The following TSHZ3 variants were observed in gnomAD, a reference collection of about 807,000 sequenced individuals.
TSHZ3 encodes teashirt homolog 3.
In TSHZ3, 10 loss-of-function variants were observed where a neutral mutation model predicts 64.5. The ratio of observed to expected loss-of-function variants is 0.16; its 90% CI spans 0.10 to 0.26. TSHZ3 has a LOEUF of 0.26. Among genes scored for constraint, TSHZ3 ranks in the 10% least tolerant of loss-of-function variants. The probability of loss-of-function intolerance (pLI) is 1.00; values close to 1 mark genes in which losing one functional copy is unlikely to be tolerated. For synonymous variants in TSHZ3, 608 were observed against 593.1 expected, an observed-to-expected ratio of 1.03 and a Z score of -0.36; for missense variants, 1,242 against 1,421.7, an observed-to-expected ratio of 0.87 and a Z score of 2.03.
At chr19:31,334,361 T>G (rs1421662217) in intron 1 of TSHZ3, among the ~76,000 whole-genome samples, 1 of 152,222 alleles carries the variant, frequency 6.6e-6, no homozygotes, top group African/African-American at 2.4e-5. Context: ...TGAAAACCAC[T>G]GATAACCCAT....
intron 1 of TSHZ3, among the ~76,000 whole-genome samples, chr19:31,310,540 A>G (rs1422869638): frequency 6.6e-6 from 1 of 152,176 alleles, no homozygotes; most frequent in Non-Finnish European, 1.5e-5. Flanking sequence ...CCACCAATCT[A>G]TGACAAGCTG....
At chr19:31,225,502 C>T (rs1426967369) in intron 4 of TSHZ3, among the ~76,000 whole-genome samples, 2 of 152,188 alleles carry the variant, frequency 1.3e-5, no homozygotes, top group African/African-American at 4.8e-5. Context: ...AAACCCCAAT[C>T]TTGGCATACA....
At chr19:31,349,569 C>T (rs1439534839), upstream of TSHZ3, 2 of 238,008 alleles carry the variant, frequency 8.4e-6, no homozygotes, top group African/African-American at 2.3e-5. Context: ...GCTCCAGAGG[C>T]CAGAGGAGGA....
At chr19:31,158,100 T>C (rs1450157505) in intron 5 of TSHZ3, among the ~76,000 whole-genome samples, 1 of 152,218 alleles carries the variant, frequency 6.6e-6, no homozygotes, top group Non-Finnish European at 1.5e-5. Flanking sequence ...GCCCTAATTG[T>C]ACTTTCCTAC....
At chr19:31,326,066 T>C (rs1307435913) in intron 1 of TSHZ3, among the ~76,000 whole-genome samples, 3 of 152,246 alleles carry the variant, frequency 2.0e-5, no homozygotes, top group Admixed American at 1.3e-4. Context: ...CCATGTATCT[T>C]AACTTTTGGA....
intron 5 of TSHZ3, among the ~76,000 whole-genome samples, chr19:31,188,002 T>C (rs200689175): frequency 5.3e-5 from 8 of 152,098 alleles, no homozygotes; most frequent in African/African-American, 1.7e-4. Flanking sequence ...ATTTCGGAGA[T>C]AGAATATTAC....
chr19:31,237,720 A>G (rs1397277406), intron 3 of TSHZ3, among the ~76,000 whole-genome samples: 1 of 152,170 alleles, frequency 6.6e-6, no homozygotes, highest in Non-Finnish European at 1.5e-5. Context: ...CTTTTCTAAA[A>G]TAGATATTGC....
intron 4 of TSHZ3, among the ~76,000 whole-genome samples, chr19:31,222,394 C>T (rs954031871): frequency 2.0e-5 from 3 of 152,174 alleles, no homozygotes; most frequent in Admixed American, 6.5e-5. Flanking sequence ...TCACTTGACT[C>T]TTGAGATGAA....
intron 1 of TSHZ3, among the ~76,000 whole-genome samples, chr19:31,287,931 G>A (rs1364008830): frequency 1.3e-5 from 2 of 151,888 alleles, no homozygotes; most frequent in Non-Finnish European, 2.9e-5. Flanking sequence ...GACAGAGGGT[G>A]ATTTCTTTTT....
Position 31,278,854 on chromosome 19 carries a change from G to A in TSHZ3, c.939C>T (p.Ala313=), listed in dbSNP as rs139336851. The part of the protein sequence containing the change: ...VPLKEPVTPV[A]AKIIPATRKK... ...TCCGAGTGGCAGGGATGATTTTGGC[G>A]GCGACAGGAGTGACGGGTTCCTTCA... The change falls in exon 2 of 2, where the codon GCC becomes GCT. Residue 313 remains alanine, a synonymous_variant. Transcript: ENST00000240587. This position sits in a 1 kb window ranked among gnomAD's most constrained non-coding sequence, Gnocchi z 4.7. 103 of 1,614,060 alleles carry A rather than the reference G, an allele frequency of 6.4e-5. No homozygotes were observed. Among genetic ancestry groups the A allele is most frequent in the East Asian group, 5.8e-4 (26 of 44,850 alleles).
intron 5 of TSHZ3, among the ~76,000 whole-genome samples, chr19:31,168,028 A>T (rs1974479599): frequency 6.6e-6 from 1 of 152,248 alleles, no homozygotes; most frequent in South Asian, 2.1e-4. Flanking sequence ...GGAGAGCTCA[A>T]AGATGGGGGA....
At chr19:31,267,618 C>T (rs1417083699) in intron 1 of TSHZ3, among the ~76,000 whole-genome samples, 1 of 151,332 alleles carries the variant, frequency 6.6e-6, no homozygotes, top group Non-Finnish European at 1.5e-5. Context: ...ATGTCTCTGG[C>T]TTTTAGTTCC....
At position 31,206,970 on chromosome 19, in the gene TSHZ3, T is replaced by C. The variant is rs543983353; in HGVS notation, n.687-1892A>G. 6.2e-4 allele frequency among the ~76,000 whole-genome samples: 95 copies of C among 152,296 alleles called. No individual in the cohort carries two copies. In the South Asian group the frequency reaches 0.012, roughly 19 times the overall value. On this transcript the variant is annotated intron_variant and non_coding_transcript_variant, in intron 4 of 6. Transcript: ENST00000651361. ...GAAAGTCCTAGGTTTCCTTTTCTAA[T>C]TTTTTTAGTCTTGCAACATTAACTA...
chr19:31,209,123 T>G (rs1244273711), intron 4 of TSHZ3, among the ~76,000 whole-genome samples: 1 of 152,092 alleles, frequency 6.6e-6, no homozygotes, highest in Non-Finnish European at 1.5e-5. Flanking sequence ...CTCAAGAGCC[T>G]AAAGACAAAG....
In TSHZ3 at chr19:31,335,223, G is replaced by A. The variant is rs550417123; in HGVS notation, c.40+13957C>T. 1.8e-3 allele frequency among the ~76,000 whole-genome samples: 276 copies of A among 152,242 alleles called. 8 individuals are homozygous for A. The South Asian group carries it at 0.049, about 27-fold the overall frequency. ...GATCTTTCTTCCTTTGCCCTTCCCC[G>A]ACGAACCGCCACATTTTGGAACTGC... On this transcript the variant is annotated intron_variant, in intron 1 of 1. Transcript: ENST00000240587.
At chr19:31,161,178 A>C (rs11084574) in intron 5 of TSHZ3, among the ~76,000 whole-genome samples, 38,700 of 152,096 alleles carry the variant, frequency 0.25, 5,122 homozygotes, top group East Asian at 0.36. Flanking sequence ...ATAAAAGTAC[A>C]TCCATATCAC....
intron 1 of TSHZ3, among the ~76,000 whole-genome samples, chr19:31,284,291 C>T (rs1353289231): frequency 6.6e-6 from 1 of 151,940 alleles, no homozygotes; most frequent in African/African-American, 2.4e-5. Context: ...CCCACATGGG[C>T]CCAGTCCAGC....
chr19:31,250,234 C>T (rs1228033868), intron 1 of TSHZ3, among the ~76,000 whole-genome samples: 1 of 152,228 alleles, frequency 6.6e-6, no homozygotes, highest in East Asian at 1.9e-4. Flanking sequence ...GACATTGTTA[C>T]CCTTGAGTCT....
chr19:31,200,390 C>T (rs1003679400), intron 5 of TSHZ3, among the ~76,000 whole-genome samples: 4 of 152,036 alleles, frequency 2.6e-5, no homozygotes, highest in Non-Finnish European at 5.9e-5. Flanking sequence ...GAATATCATT[C>T]AAGGCTAAAA....
Sources: gnomAD v4.1 joint callset for allele counts (sites outside exome capture counted in the v4.1 genomes callset) on GRCh38, gnomAD v4.1.1 for gene constraint, Gnocchi (gnomAD v3.1) non-coding constraint, MANE v1.5 for transcripts, NCBI Gene and HGNC (gene_info 2026-07-23, HGNC 2026-07-21) for gene names.